COL6A6: variants seen among roughly 807,000 people sequenced by gnomAD.
COL6A6 encodes collagen alpha-6(VI) chain.
Under a neutral mutation model 208.6 loss-of-function variants are expected in COL6A6, and 183 were observed. The ratio of observed to expected loss-of-function variants is 0.88; its 90% CI spans 0.78 to 0.99. COL6A6 has a LOEUF of 0.99. Ranked by LOEUF, COL6A6 falls within the 50% of genes least tolerant of loss-of-function variation. COL6A6 has a pLI of 0.00. For synonymous variants in COL6A6, 973 were observed against 1,011.8 expected (o/e 0.96, Z 0.73); for missense variants, 2,816 against 2,815.2 (o/e 1.00, Z -0.01).
chr3:130,571,544 G>C (rs2063167658), intron 7 of COL6A6, among the ~76,000 whole-genome samples, 151 bp downstream of exon 7: 1 of 152,180 alleles, frequency 6.6e-6, no homozygotes, highest in African/African-American at 2.4e-5. Flanking sequence ...AAAATCTGAG[G>C]GTTGGAAAGA....
At chr3:130,590,092 C>A in intron 12 of COL6A6, 1 of 405,360 alleles carries the variant, frequency 2.5e-6, no homozygotes, top group Non-Finnish European at 4.9e-6. Context: ...TTTTAATAAA[C>A]GGAGAATAAT....
chr3:130,644,252 C>T (rs1159889578), intron 31 of COL6A6, among the ~76,000 whole-genome samples: 2 of 152,220 alleles, frequency 1.3e-5, no homozygotes, highest in Non-Finnish European at 2.9e-5. Flanking sequence ...GGGGGGACCC[C>T]TGCAAGAGAG....
intron 35 of COL6A6, among the ~76,000 whole-genome samples, chr3:130,663,218 C>T (rs2065982324): frequency 6.6e-6 from 1 of 151,966 alleles, no homozygotes; most frequent in Non-Finnish European, 1.5e-5. Flanking sequence ...TCTAAGGAGC[C>T]TTGGAGATTG....
At chr3:130,650,615 A>AAG (rs1182517128) in intron 33 of COL6A6, among the ~76,000 whole-genome samples, 1 of 151,194 alleles carries the variant, frequency 6.6e-6, no homozygotes, top group African/African-American at 2.4e-5. Context: ...GTCTCCAAAA[A>AAG]AAAAAAGAAA....
rs948034608 is a variant in COL6A6 at position 130,675,900 on chromosome 3, A to G, written c.*503A>G. The G allele has an allele frequency of 6.6e-6, 1 of 152,286 alleles. No individual in the cohort carries two copies. The highest frequency in any genetic ancestry group is 2.4e-5 in the African/African-American group (1 of 41,450). 9.4% of individuals were successfully genotyped at this position (152,286 alleles called of 1,614,324 possible). A position where few individuals can be genotyped will look rare whatever the true frequency, so the allele number is the denominator to read the frequency against. ...TTTTTAAAACGTGACCTTCTATTCC[A>G]CTTAAACACACCACTGTGGGAGTTG... is the stretch of plus-strand genomic sequence containing the variant. On this transcript the variant is annotated 3_prime_UTR_variant, in exon 37 of 37. Transcript: ENST00000358511.
At chr3:130,529,821 T>C (rs1410652571) in intron 1 of COL6A6, among the ~76,000 whole-genome samples, 1 of 152,216 alleles carries the variant, frequency 6.6e-6, no homozygotes, top group African/African-American at 2.4e-5. Flanking sequence ...GAAAGGACCA[T>C]GACTGCCTTG....
chr3:130,531,056 A>AGTCTCTCTCTCTCTCTCTCTCTCTCT (rs1294781159), intron 1 of COL6A6, among the ~76,000 whole-genome samples: 5 of 28,066 alleles, frequency 1.8e-4, no homozygotes, highest in African/African-American at 3.7e-4. Context: ...ACACACACAC[A>AGTCTCTCTCTCTCTCTCTCTCTCTCT]CACAGTCTCT....
rs569999810 is a variant in COL6A6, at chr3:130,576,453, T to C, written c.3547+1928T>C. ...CTGACTCTCTAAGTTCTGCTTCACATACTTTGGAATGTATCTGATTACCTC... is the reference window on the plus strand; with the variant it reads ...CTGACTCTCTAAGTTCTGCTTCACACACTTTGGAATGTATCTGATTACCTC... On this transcript the variant is annotated intron_variant, in intron 8 of 36. Transcript: ENST00000358511. Among the ~76,000 whole-genome samples, 57 of 152,350 alleles carry C rather than the reference T, an allele frequency of 3.7e-4. 1 individual carries two copies. In the South Asian group the frequency reaches 0.01, roughly 27 times the overall value.
chr3:130,584,572 G>T (rs945494661), intron 10 of COL6A6, among the ~76,000 whole-genome samples: 1 of 151,442 alleles, frequency 6.6e-6, no homozygotes, highest in Non-Finnish European at 1.5e-5. Context: ...ATTTTTCTTT[G>T]GTGGTTCGTT....
At chr3:130,650,439 G>A (rs911227698) in intron 33 of COL6A6, among the ~76,000 whole-genome samples, 9 of 152,172 alleles carry the variant, frequency 5.9e-5, no homozygotes, top group South Asian at 2.1e-4. Context: ...TGGCTAACAC[G>A]GTGAAACCCC....
rs187018971 is a variant in COL6A6 at position 130,586,519 on chromosome 3, C to A, written c.3984C>A (p.Leu1328=). The A allele has an allele frequency of 6.2e-7, 1 of 1,613,244 alleles. No individual in the cohort carries two copies. The highest frequency in any genetic ancestry group is 1.3e-5 in the African/African-American group (1 of 75,008). ...DELRKEGLNA[L]ITVALDGPAD... ...TGTGTTGGATAGGCCTGAATGCCCT[C>A]ATAACTGTTGCTCTGGATGGACCTG... The change falls in exon 11 of 37, where the codon CTC becomes CTA. Residue 1328 remains leucine, a synonymous_variant. Transcript: ENST00000358511.
chr3:130,526,189 G>C (rs1242159231), intron 1 of COL6A6, among the ~76,000 whole-genome samples: 2 of 152,052 alleles, frequency 1.3e-5, no homozygotes, highest in South Asian at 4.2e-4. Context: ...GGATGGGGTG[G>C]TCAGGGAGGC....
intron 36 of COL6A6, among the ~76,000 whole-genome samples, chr3:130,666,982 G>A (rs1335306543): frequency 6.6e-6 from 1 of 152,136 alleles, no homozygotes; most frequent in African/African-American, 2.4e-5. Flanking sequence ...AGGCTGGTAG[G>A]TGATTTATCA....
intron 32 of COL6A6, among the ~76,000 whole-genome samples, chr3:130,645,862 T>G (rs1203011799): frequency 6.6e-6 from 1 of 152,250 alleles, no homozygotes; most frequent in East Asian, 1.9e-4. Context: ...TATACATTTA[T>G]ACACTTTTAC....
At position 130,661,834 on chromosome 3, in the gene COL6A6, G is replaced by C. The variant is rs1371397474; in HGVS notation, c.6028G>C (p.Val2010Leu). 6.2e-7 allele frequency: 1 copy of C among 1,613,938 alleles called. No homozygotes were observed. Among genetic ancestry groups the C allele is most frequent in the South Asian group, 1.1e-5 (1 of 91,070 alleles). The change falls in exon 35 of 37, where the codon GTG becomes CTG. Residue 2010 changes from valine to leucine, a missense_variant. Val to Leu is a conservative substitution (Grantham distance 32, BLOSUM62 1). Transcript: ENST00000358511. ...GGAGACTTCTGTCACTGGAGACCGG[G>C]TGGCCCTATTGAGCCATGCTCCCCC... ...EPETSVTGDRVALLSHAPPDF... is the reference protein window; with the variant it reads ...EPETSVTGDRLALLSHAPPDF...
At chr3:130,602,112 C>A (rs1336268198) in intron 20 of COL6A6, among the ~76,000 whole-genome samples, 1 of 152,152 alleles carries the variant, frequency 6.6e-6, no homozygotes, top group Non-Finnish European at 1.5e-5. Flanking sequence ...GCCATGGAGG[C>A]TGCAAACAAT....
rs1444289557 is a variant in COL6A6 at position 130,665,016 on chromosome 3, A to C, written c.6516A>C (p.Lys2172Asn). The stretch of plus-strand genomic sequence containing the variant: ...TTTCTCTTCTAGGTGCAATCAACAA[A>C]TATCCACCAATAAACTTAAAAATAA... ...FINSIRRAINKYPPINLKIKC... is the reference protein window; with the variant it reads ...FINSIRRAINNYPPINLKIKC... The change falls in exon 36 of 37, where the codon AAA becomes AAC. Residue 2172 changes from lysine (K) to asparagine (N), a missense_variant. Transcript: ENST00000358511. The C allele has an allele frequency of 1.2e-6, 2 of 1,601,402 alleles. No individual in the cohort carries two copies. The highest frequency in any genetic ancestry group is 4.5e-5 in the East Asian group (2 of 44,624).
intron 20 of COL6A6, among the ~76,000 whole-genome samples, chr3:130,601,530 C>T (rs1419937425): frequency 6.6e-6 from 1 of 152,122 alleles, no homozygotes; most frequent in African/African-American, 2.4e-5. Flanking sequence ...AAAATATTTT[C>T]AACTTAAAGA....
intron 36 of COL6A6, among the ~76,000 whole-genome samples, chr3:130,669,505 A>G (rs1400449638): frequency 1.3e-5 from 2 of 152,064 alleles, no homozygotes; most frequent in East Asian, 3.8e-4. Context: ...AAAAATACTT[A>G]GAACTGTGTA....
Sources: gnomAD v4.1 joint callset for allele counts (sites outside exome capture counted in the v4.1 genomes callset) on GRCh38, gnomAD v4.1.1 for gene constraint, MANE v1.5 for transcripts, NCBI Gene and HGNC (gene_info 2026-07-23, HGNC 2026-07-21) for gene names.